Variants in THSD4 observed in about 807,000 individuals in gnomAD.
THSD4 encodes the protein thrombospondin type-1 domain-containing protein 4.
THSD4 carries 69 observed loss-of-function variants against 119.0 expected under a neutral mutation model. The observed-to-expected ratio is 0.58, with a 90% CI of 0.48 to 0.71. The LOEUF is 0.71. THSD4 is among the 30% of genes least tolerant of loss of function. The pLI, the probability that THSD4 is intolerant of heterozygous loss-of-function variation, is 0.00. For missense variants in THSD4, 1,393 were observed against 1,391.1 expected, an observed-to-expected ratio of 1.00 and a Z score of -0.02; for synonymous variants, 524 against 540.4, an observed-to-expected ratio of 0.97 and a Z score of 0.42.
At chr15:71,399,830 C>T (rs1443431340) in intron 6 of THSD4, among the ~76,000 whole-genome samples, 3 of 152,074 alleles carry the variant, frequency 2.0e-5, no homozygotes, top group African/African-American at 7.2e-5. Context: ...TAAAAGACCC[C>T]CAGGTAATTC....
intron 7 of THSD4, among the ~76,000 whole-genome samples, chr15:71,432,931 C>A (rs939733604): frequency 6.6e-6 from 1 of 152,070 alleles, no homozygotes. Context: ...CCTCCCTGTA[C>A]GTGTTGTATA....
chr15:71,193,475 C>T lies in THSD4; in HGVS notation c.100-21560C>T, dbSNP rs147826163. Among the ~76,000 whole-genome samples the T allele has an allele frequency of 3.7e-3, 566 of 152,270 alleles. 1 individual carries two copies. The highest frequency in any genetic ancestry group is 5.8e-3 in the Non-Finnish European group (393 of 68,006). ...CATGACTTAGGATTTCCAGATCCTC[C>T]TAGCTGCTTGGACTGTGGTTCCAGG... On this transcript the variant is annotated intron_variant, in intron 3 of 17. Coordinates refer to ENST00000261862, the MANE Select transcript of THSD4 (RefSeq NM_024817.3).
chr15:71,535,453 G>A (rs2048677060), intron 7 of THSD4, among the ~76,000 whole-genome samples: 1 of 152,182 alleles, frequency 6.6e-6, no homozygotes, highest in South Asian at 2.1e-4. Context: ...CGAACATGTG[G>A]ACATATGTTG....
At chr15:71,200,025 T>C (rs76267240) in intron 3 of THSD4, among the ~76,000 whole-genome samples, 174 of 143,598 alleles carry the variant, frequency 1.2e-3, no homozygotes, top group African/African-American at 4.3e-3. Context: ...GCCACAGTCA[T>C]AGGTATTTCA....
intron 6 of THSD4, among the ~76,000 whole-genome samples, chr15:71,407,596 A>G (rs533598484): frequency 1.3e-4 from 19 of 148,438 alleles, no homozygotes; most frequent in African/African-American, 4.4e-4. Flanking sequence ...AGTCACCAGC[A>G]TTTTTTTTTT....
rs2053978094 is a variant in THSD4 at position 71,780,340 on chromosome 15, C to T, written c.*2966C>T. On this transcript the variant is annotated 3_prime_UTR_variant, in exon 18 of 18. Coordinates refer to ENST00000261862, the MANE Select transcript of THSD4 (RefSeq NM_024817.3). ...TTAAAGCTGTCATATGGTTTCCTCA[C>T]AAAAGTCAACAAAGTCCAAACAAAA... The T allele has an allele frequency of 5.8e-6, 1 of 172,834 alleles. No individual in the cohort carries two copies. The highest frequency in any genetic ancestry group is 1.3e-5 in the Non-Finnish European group (1 of 79,494). The allele number at this position is 172,834 out of a possible 1,614,324, so 10.7% of individuals were successfully genotyped here.
chr15:71,669,500 T>C (rs80271771), intron 8 of THSD4, among the ~76,000 whole-genome samples: 2,417 of 150,914 alleles, frequency 0.016, 69 homozygotes, highest in African/African-American at 0.055. Flanking sequence ...AATTCTGTCC[T>C]TTTTTTTTGT....
At chr15:71,408,820 C>G (rs2046642719) in intron 6 of THSD4, among the ~76,000 whole-genome samples, 1 of 152,072 alleles carries the variant, frequency 6.6e-6, no homozygotes, top group South Asian at 2.1e-4. Flanking sequence ...CCACTGCACT[C>G]CAGCCTGAGT....
At chr15:71,354,746 A>G (rs774482671) in intron 6 of THSD4, among the ~76,000 whole-genome samples, 41 of 152,208 alleles carry the variant, frequency 2.7e-4, no homozygotes, top group Admixed American at 6.5e-5. Flanking sequence ...TCTTCAGGTT[A>G]AAGCGTGAAG....
chr15:71,122,419 G>A (rs665370), intron 1 of THSD4, among the ~76,000 whole-genome samples: 13,168 of 152,110 alleles, frequency 0.087, 896 homozygotes, highest in African/African-American at 0.19. Context: ...AAATACTGGC[G>A]GTGGGGCCGG....
chr15:71,208,010 A>T (rs769485487), intron 3 of THSD4, among the ~76,000 whole-genome samples: 1 of 152,202 alleles, frequency 6.6e-6, no homozygotes, highest in African/African-American at 2.4e-5. Flanking sequence ...GCAATTGCAC[A>T]TGATTGGTCT....
intron 5 of THSD4, among the ~76,000 whole-genome samples, chr15:71,255,239 A>C (rs1252527402): frequency 6.6e-6 from 1 of 152,108 alleles, no homozygotes; most frequent in Non-Finnish European, 1.5e-5. Flanking sequence ...ACACACACAC[A>C]AACACACACA....
intron 7 of THSD4, among the ~76,000 whole-genome samples, chr15:71,508,026 G>T (rs1049017361): frequency 2.0e-5 from 3 of 152,196 alleles, no homozygotes; most frequent in African/African-American, 7.2e-5. Flanking sequence ...AAATAATAGT[G>T]AAGGAAAAAG....
intron 7 of THSD4, among the ~76,000 whole-genome samples, chr15:71,569,629 A>G (rs2049312244): frequency 6.6e-6 from 1 of 152,232 alleles, no homozygotes; most frequent in African/African-American, 2.4e-5. Context: ...AGATGTGTCA[A>G]AAATTTTACT....
intron 8 of THSD4, among the ~76,000 whole-genome samples, chr15:71,683,403 G>A (rs1381753936): frequency 6.6e-6 from 1 of 152,122 alleles, no homozygotes; most frequent in Non-Finnish European, 1.5e-5. Context: ...TCTGGGTACT[G>A]GGAATACTCA....
chr15:71,098,137 C>T (rs1227891870), intron 1 of THSD4, among the ~76,000 whole-genome samples: 3 of 150,014 alleles, frequency 2.0e-5, no homozygotes, highest in East Asian at 3.9e-4. Context: ...ATGTGAGCTG[C>T]GGAACAGTTC....
At chr15:71,542,453 A>G (rs2048771663) in intron 7 of THSD4, among the ~76,000 whole-genome samples, 1 of 152,206 alleles carries the variant, frequency 6.6e-6, no homozygotes, top group Non-Finnish European at 1.5e-5. Context: ...GGTCAAGGTT[A>G]ACATCATCAG....
intron 7 of THSD4, among the ~76,000 whole-genome samples, chr15:71,432,918 T>C (rs908216212): frequency 6.6e-6 from 1 of 152,038 alleles, no homozygotes; most frequent in Non-Finnish European, 1.5e-5. Flanking sequence ...AAACATTTCC[T>C]ACCCTCCCTG....
At chr15:71,450,763 T>C (rs1176069852) in intron 7 of THSD4, among the ~76,000 whole-genome samples, 2 of 152,214 alleles carry the variant, frequency 1.3e-5, no homozygotes, top group East Asian at 3.9e-4. Context: ...ATAAGACAGA[T>C]TAACAGGAGG....
Sources: gnomAD v4.1 joint callset for allele counts (sites outside exome capture counted in the v4.1 genomes callset) on GRCh38, gnomAD v4.1.1 for gene constraint, MANE v1.5 for transcripts, NCBI Gene and HGNC (gene_info 2026-07-23, HGNC 2026-07-21) for gene names.